Variants in AK5 observed in about 807,000 individuals in gnomAD.
AK5 encodes adenylate kinase 5.
Under a neutral mutation model 69.5 loss-of-function variants are expected in AK5, and 27 were observed. That is an observed-to-expected ratio of 0.39 (90% CI 0.29 to 0.54). The LOEUF (loss-of-function observed/expected upper bound fraction) is 0.54, where lower values mean the gene tolerates loss of function less well. AK5 is among the 20% of genes least tolerant of loss of function. The probability of loss-of-function intolerance (pLI) is 0.71; values close to 1 mark genes in which losing one functional copy is unlikely to be tolerated. For synonymous variants in AK5, 260 were observed against 244.4 expected, an observed-to-expected ratio of 1.06 and a Z score of -0.60; for missense variants, 531 against 700.4, an observed-to-expected ratio of 0.76 and a Z score of 2.73.
At chr1:77,384,615 A>G (rs1332764897) in intron 6 of AK5, among the ~76,000 whole-genome samples, 11 of 152,220 alleles carry the variant, frequency 7.2e-5, no homozygotes, top group Admixed American at 7.2e-4. Flanking sequence ...AAACAGTGCA[A>G]AAGAAAAACA....
In AK5 at chr1:77,348,147, CACTCATAAA is replaced by C; in HGVS notation, c.891+7582_891+7590del. On this transcript the variant is annotated intron_variant, in intron 6 of 13. Transcript: ENST00000354567. ...TTTCTGTTGATTTTATTATTACCGACACTCATAAAACAGAGTCTGAAGAGCCCCATGAAC... is the reference window on the plus strand; with the variant it reads ...TTTCTGTTGATTTTATTATTACCGACACAGAGTCTGAAGAGCCCCATGAAC... Among the ~76,000 whole-genome samples, 4 of 151,108 alleles carry C rather than the reference CACTCATAAA, an allele frequency of 2.6e-5. 1 individual carries two copies. In the Middle Eastern group the frequency reaches 0.014, roughly 514 times the overall value.
chr1:77,398,296 T>A (rs1648964865), intron 6 of AK5, among the ~76,000 whole-genome samples: 1 of 152,096 alleles, frequency 6.6e-6, no homozygotes, highest in South Asian at 2.1e-4. Flanking sequence ...TTTTCAGGCT[T>A]TCAGGGTACC....
intron 8 of AK5, among the ~76,000 whole-genome samples, chr1:77,454,320 CCT>C: frequency 7.2e-6 from 1 of 139,160 alleles, no homozygotes; most frequent in Non-Finnish European, 1.5e-5. Flanking sequence ...AAATCCTACT[CCT>C]AATTGTATGC....
intron 6 of AK5, among the ~76,000 whole-genome samples, chr1:77,345,326 G>T (rs1444073504): frequency 6.6e-6 from 1 of 152,144 alleles, no homozygotes; most frequent in East Asian, 1.9e-4. Context: ...AATCTCTTCA[G>T]CCAGGAAAGG....
intron 8 of AK5, among the ~76,000 whole-genome samples, chr1:77,470,826 AATATATATATATATATATATATATAT>A (rs71075744): frequency 3.9e-5 from 2 of 51,148 alleles, no homozygotes; most frequent in Admixed American, 3.3e-4. Flanking sequence ...GCACATTTAG[AATATATATATATATATATATATATAT>A]ATATATATAT....
chr1:77,379,241 C>G (rs1217331902), intron 6 of AK5, among the ~76,000 whole-genome samples: 1 of 152,182 alleles, frequency 6.6e-6, no homozygotes, highest in Non-Finnish European at 1.5e-5. Context: ...AAATACCTCC[C>G]TTGCGATGGA....
At chr1:77,502,791 A>AGAACAT (rs1321869661) in intron 10 of AK5, among the ~76,000 whole-genome samples, 2 of 152,152 alleles carry the variant, frequency 1.3e-5, no homozygotes, top group Non-Finnish European at 2.9e-5. Flanking sequence ...AGAACATAGC[A>AGAACAT]AGTAGGCAGA....
At chr1:77,555,447 G>C (rs922514819) in intron 13 of AK5, among the ~76,000 whole-genome samples, 116 of 152,160 alleles carry the variant, frequency 7.6e-4, no homozygotes, top group African/African-American at 2.6e-3. Context: ...GGTCAGCATA[G>C]TGTAATGTAG....
intron 10 of AK5, among the ~76,000 whole-genome samples, chr1:77,518,313 T>A (rs1304759779): frequency 1.3e-5 from 2 of 152,184 alleles, no homozygotes; most frequent in African/African-American, 4.8e-5. Flanking sequence ...CTATGAAAAG[T>A]AACTGCTTGT....
intron 8 of AK5, among the ~76,000 whole-genome samples, chr1:77,450,790 A>G (rs1459806117): frequency 6.6e-6 from 1 of 151,416 alleles, no homozygotes; most frequent in Non-Finnish European, 1.5e-5. Flanking sequence ...TAAGATTGTA[A>G]GAAATGTCAA....
intron 10 of AK5, among the ~76,000 whole-genome samples, chr1:77,499,021 G>T (rs1480645183): frequency 6.6e-6 from 1 of 152,166 alleles, no homozygotes; most frequent in Non-Finnish European, 1.5e-5. Flanking sequence ...TCCTCTAGCT[G>T]ACACATTCTT....
intron 8 of AK5, among the ~76,000 whole-genome samples, chr1:77,441,500 T>C (rs1652323650): frequency 1.3e-5 from 2 of 152,148 alleles, no homozygotes; most frequent in Admixed American, 6.5e-5. Context: ...GGGAAAGATG[T>C]GGTGACTCTG....
rs191210471 is a variant in AK5 at position 77,451,195 on chromosome 1, A to C, written c.1060-32122A>C. On this transcript the variant is annotated intron_variant, in intron 8 of 13. Coordinates refer to ENST00000354567, the MANE Select transcript of AK5 (RefSeq NM_174858.3). ...TCTCGAAAAAAAAATAAATACATAA[A>C]GACATAAAAGCAAAACTACATGCTA... 3.3e-5 allele frequency among the ~76,000 whole-genome samples: 5 copies of C among 152,320 alleles called. No individual in the cohort carries two copies. The East Asian group carries it at 7.7e-4, about 23-fold the overall frequency.
At chr1:77,299,569 T>C (rs1485403725) in intron 5 of AK5, among the ~76,000 whole-genome samples, 1 of 152,124 alleles carries the variant, frequency 6.6e-6, no homozygotes, top group Non-Finnish European at 1.5e-5. Context: ...GTCCAGAAAC[T>C]CTGGTGCTCA....
At chr1:77,502,412 C>T (rs1456745249) in intron 10 of AK5, among the ~76,000 whole-genome samples, 2 of 152,154 alleles carry the variant, frequency 1.3e-5, no homozygotes, top group Non-Finnish European at 2.9e-5. Context: ...TTCACCAGTT[C>T]CACTAACATC....
chr1:77,367,946 T>TTTTA (rs1553140155), intron 6 of AK5, among the ~76,000 whole-genome samples: 3 of 39,110 alleles, frequency 7.7e-5, no homozygotes, highest in African/African-American at 1.4e-4. Context: ...AATATATATG[T>TTTTA]TATATATATA....
chr1:77,341,419 C>T (rs74090467), intron 6 of AK5, among the ~76,000 whole-genome samples: 1,882 of 152,316 alleles, frequency 0.012, 45 homozygotes, highest in African/African-American at 0.042. Context: ...TCTCAGCCCT[C>T]GGGCCCGGGC....
intron 6 of AK5, among the ~76,000 whole-genome samples, chr1:77,405,774 C>T (rs988567737): frequency 2.0e-5 from 3 of 152,138 alleles, no homozygotes; most frequent in Admixed American, 6.5e-5. Context: ...CTCACTCCCT[C>T]CCCCTACCAG....
chr1:77,459,428 G>A (rs941262093), intron 8 of AK5, among the ~76,000 whole-genome samples: 8 of 152,256 alleles, frequency 5.3e-5, no homozygotes, highest in Admixed American at 3.3e-4. Context: ...CACTACCCCA[G>A]TAGACTGGAA....
Sources: gnomAD v4.1 joint callset for allele counts (sites outside exome capture counted in the v4.1 genomes callset) on GRCh38, gnomAD v4.1.1 for gene constraint, MANE v1.5 for transcripts, NCBI Gene and HGNC (gene_info 2026-07-23, HGNC 2026-07-21) for gene names.